The following ZFYVE26 variants were observed in gnomAD, a reference collection of about 807,000 sequenced individuals.
ZFYVE26 encodes zinc finger FYVE domain-containing protein 26.
Under a neutral mutation model 276.5 loss-of-function variants are expected in ZFYVE26, and 181 were observed. The ratio of observed to expected loss-of-function variants is 0.65; its 90% CI spans 0.58 to 0.74. ZFYVE26 has a LOEUF of 0.74. Among genes scored for constraint, ZFYVE26 ranks in the 30% least tolerant of loss-of-function variants. ZFYVE26 has a pLI of 0.00. For missense variants in ZFYVE26, 2,821 were observed against 3,097.9 expected (o/e 0.91, Z 2.12); for synonymous variants, 1,129 against 1,203.1 (o/e 0.94, Z 1.27).
intron 35 of ZFYVE26, among the ~76,000 whole-genome samples, chr14:67,759,244 G>GA (rs1171265652): frequency 0.46 from 37,286 of 80,572 alleles, 8,654 homozygotes; most frequent in Non-Finnish European, 0.58. Context: ...GACTCTGTCT[G>GA]AAAAAAAAAA....
intron 30 of ZFYVE26, 74 bp downstream of exon 30, chr14:67,768,443 C>T: frequency 6.7e-7 from 1 of 1,501,612 alleles, no homozygotes; most frequent in Non-Finnish European, 9.3e-7. Flanking sequence ...ATATCAGTCA[C>T]AGCTGATATG....
chr14:67,799,607 T>C, intron 10 of ZFYVE26: 1 of 1,463,088 alleles, frequency 6.8e-7, no homozygotes, highest in Non-Finnish European at 9.6e-7. Context: ...ATAAAAGAAA[T>C]AATAGAATTT....
At chr14:67,800,501 C>A (rs941367022) in intron 10 of ZFYVE26, among the ~76,000 whole-genome samples, 5 of 152,122 alleles carry the variant, frequency 3.3e-5, no homozygotes, top group Admixed American at 2.6e-4. Context: ...AAAAATTGCA[C>A]TGGCTTTGAG....
chr14:67,805,736 C>T, intron 6 of ZFYVE26, 118 bp from the exon 7 acceptor site: 1 of 1,274,822 alleles, frequency 7.8e-7, no homozygotes, highest in Non-Finnish European at 1.1e-6. Context: ...CTGACAATAA[C>T]AGGAGTGGTT....
At chr14:67,777,373 G>C (rs1004937401) in intron 25 of ZFYVE26, among the ~76,000 whole-genome samples, 186 bp downstream of exon 25, 1 of 152,236 alleles carries the variant, frequency 6.6e-6, no homozygotes, top group African/African-American at 2.4e-5. Context: ...AGGGCTTCTA[G>C]GGTAAAGATT....
intron 13 of ZFYVE26, among the ~76,000 whole-genome samples, chr14:67,732,162 T>C (rs1238009019): frequency 7.2e-6 from 1 of 139,792 alleles, no homozygotes; most frequent in Non-Finnish European, 1.5e-5. Flanking sequence ...TAAGGCTGGG[T>C]GTGGCGGCTC....
At position 67,748,445 on chromosome 14, in the gene ZFYVE26, G is replaced by A; in HGVS notation, c.7611C>T (p.Ser2537=). The change falls in exon 42 of 42, where the codon TCC becomes TCT. Residue 2537 remains serine, a synonymous_variant. Transcript: ENST00000347230. ...GCCCCACTGCCCAAGGTCACTTCCT[G>A]GAGCCTGGGCCATGGGCACCCCGGG... ...SHPRGAHGPG[S]RK The A allele has an allele frequency of 1.2e-6, 2 of 1,612,156 alleles. No individual in the cohort carries two copies. Among genetic ancestry groups the A allele is most frequent in the Non-Finnish European group, 1.7e-6 (2 of 1,179,864 alleles).
intron 33 of ZFYVE26, 95 bp downstream of exon 33, chr14:67,762,577 A>T: frequency 6.3e-7 from 1 of 1,594,612 alleles, no homozygotes; most frequent in Admixed American, 1.7e-5. Context: ...CATGGGCAGG[A>T]CAACTGAGAG....
rs1566860459 is a variant in ZFYVE26, at chr14:67,750,838, G to A, written c.7416+214C>T. On this transcript the variant is annotated intron_variant, in intron 41 of 41. Transcript: ENST00000347230. ...GTTTGTCTTGGGGATAAAGACTTGG[G>A]AAGGCAAAGACGCATGCAGTCCATG... 4.7e-6 allele frequency: 3 copies of A among 642,110 alleles called. No homozygotes were observed. In the East Asian group the frequency reaches 8.4e-5, roughly 18 times the overall value. The allele number at this position is 642,110 out of a possible 1,614,324, so 39.8% of individuals were successfully genotyped here.
intron 35 of ZFYVE26, among the ~76,000 whole-genome samples, chr14:67,760,406 G>A (rs930925611): frequency 6.6e-6 from 1 of 152,132 alleles, no homozygotes; most frequent in Non-Finnish European, 1.5e-5. Flanking sequence ...GATTTCACTT[G>A]GATCAATCTT....
At chr14:67,803,978 A>G in intron 9 of ZFYVE26, 123 bp downstream of exon 9, 1 of 1,306,812 alleles carries the variant, frequency 7.7e-7, no homozygotes, top group Non-Finnish European at 1.1e-6. Flanking sequence ...CATTTAGAGG[A>G]GACCTCCTCA....
At chr14:67,754,944 A>AT (rs934649168) in intron 37 of ZFYVE26, 107 bp downstream of exon 37, 72 of 1,306,206 alleles carry the variant, frequency 5.5e-5, no homozygotes, top group Middle Eastern at 2.6e-4. Flanking sequence ...TTCCCTTTAG[A>AT]TTTTTTTTCA....
At chr14:67,776,263 C>T (rs1379624478) in intron 25 of ZFYVE26, among the ~76,000 whole-genome samples, 157 bp from the exon 26 acceptor site, 1 of 152,182 alleles carries the variant, frequency 6.6e-6, no homozygotes, top group Non-Finnish European at 1.5e-5. Context: ...GCTGAGCTCC[C>T]CACTAAATTC....
intron 9 of ZFYVE26, among the ~76,000 whole-genome samples, chr14:67,803,828 A>T (rs1203130959): frequency 6.6e-6 from 1 of 152,170 alleles, no homozygotes; most frequent in African/African-American, 2.4e-5. Flanking sequence ...GTTTCACTGG[A>T]ATGAGGCTGT....
Position 67,798,444 on chromosome 14 carries a change from C to A in ZFYVE26, c.1818G>T (p.Glu606Asp), listed in dbSNP as rs768692525. ...PEDYAEDDDIEGKSPSGLRSP... is the reference protein window; with the variant it reads ...PEDYAEDDDIDGKSPSGLRSP... The stretch of plus-strand genomic sequence containing the variant: ...ACCTCAAACCTGAGGGGCTCTTCCC[C>A]TCAATGTCATCATCCTCAGCATAGT... The change falls in exon 11 of 42, where the codon GAG (glutamate) becomes GAT (aspartate). Residue 606 changes from glutamate (E) to aspartate (D), a missense_variant. By Grantham distance (45) the Glu-to-Asp change is conservative. Coordinates refer to ENST00000347230, the MANE Select transcript of ZFYVE26 (RefSeq NM_015346.4). 17 of 1,614,012 alleles carry A rather than the reference C, an allele frequency of 1.1e-5. No individual in the cohort carries two copies. The highest frequency in any genetic ancestry group is 1.4e-5 in the Non-Finnish European group (16 of 1,180,014).
Position 67,809,193 on chromosome 14 carries a change from C to G in ZFYVE26, c.363+7G>C. ...CCTGGGCAGATGGTACCAGGGCTCT[C>G]TCTCACCTCGAGGATGTTCTCTGGA... On this transcript the variant is annotated splice_region_variant and intron_variant, in intron 4 of 41. Coordinates refer to ENST00000347230, the MANE Select transcript of ZFYVE26 (RefSeq NM_015346.4). 6.2e-7 allele frequency: 1 copy of G among 1,613,348 alleles called. No homozygotes were observed. The highest frequency in any genetic ancestry group is 8.5e-7 in the Non-Finnish European group (1 of 1,179,362).
At chr14:67,764,478 T>G (rs1054778521) in intron 32 of ZFYVE26, among the ~76,000 whole-genome samples, 1 of 152,172 alleles carries the variant, frequency 6.6e-6, no homozygotes, top group Non-Finnish European at 1.5e-5. Context: ...CTCAGCCTCT[T>G]GAGTAGCTGG....
At position 67,805,616 on chromosome 14, in the gene ZFYVE26, T is replaced by G. The variant is rs1281717550; in HGVS notation, c.1020A>C (p.Val340=). 3.1e-6 allele frequency: 5 copies of G among 1,613,744 alleles called. No individual in the cohort carries two copies. The African/African-American group carries it at 6.7e-5, about 22-fold the overall frequency. Residue 340 remains valine, a splice_region_variant and synonymous_variant, in exon 7 of 42, where the codon GTA becomes GTC. Coordinates refer to ENST00000347230, the MANE Select transcript of ZFYVE26 (RefSeq NM_015346.4). ...NNKHFLEQIL[V]TALTLLKEED... ...CTTCTTTCAACAATGTTAGTGCTGT[T>G]ACCTGTAAGTCAAAGAAAGCTGTTA...
chr14:67,787,572 T>C (rs941036587), intron 16 of ZFYVE26, among the ~76,000 whole-genome samples: 1 of 152,094 alleles, frequency 6.6e-6, no homozygotes, highest in Non-Finnish European at 1.5e-5. Flanking sequence ...AAAAATCTCA[T>C]ATACTCCATA....
Sources: gnomAD v4.1 joint callset for allele counts (sites outside exome capture counted in the v4.1 genomes callset) on GRCh38, gnomAD v4.1.1 for gene constraint, MANE v1.5 for transcripts, NCBI Gene and HGNC (gene_info 2026-07-23, HGNC 2026-07-21) for gene names.